Variants in RAB38 observed in about 807,000 individuals in gnomAD.
The protein encoded by RAB38 is ras-related protein Rab-38.
RAB38 carries 15 observed loss-of-function variants against 18.4 expected under a neutral mutation model. The ratio of observed to expected loss-of-function variants is 0.82; its 90% CI spans 0.55 to 1.26. The LOEUF is 1.26. Among genes scored for constraint, RAB38 ranks in the 50% most tolerant of loss-of-function variants. RAB38 has a pLI of 0.00. For synonymous variants in RAB38, 101 were observed against 104.4 expected, an observed-to-expected ratio of 0.97 and a Z score of 0.20; for missense variants, 294 against 267.4, an observed-to-expected ratio of 1.10 and a Z score of -0.69.
chr11:88,057,166 G>A, the RAB38 span, among the ~76,000 whole-genome samples: 1 of 152,178 alleles, frequency 6.6e-6, no homozygotes, highest in Non-Finnish European at 1.5e-5. Context: ...CCTGAGACAA[G>A]CATGCACAGA....
the RAB38 span, among the ~76,000 whole-genome samples, chr11:87,921,730 T>C: frequency 1.3e-5 from 2 of 151,816 alleles, no homozygotes; most frequent in Non-Finnish European, 2.9e-5. Context: ...GCCTGGCACA[T>C]AGTAAGCACT....
At chr11:88,098,371 T>C in the RAB38 span, among the ~76,000 whole-genome samples, 1 of 151,956 alleles carries the variant, frequency 6.6e-6, no homozygotes, top group Admixed American at 6.6e-5. Flanking sequence ...AAAACTTAAG[T>C]CTATATTGCA....
chr11:88,031,825 A>G, the RAB38 span, among the ~76,000 whole-genome samples: 3 of 152,234 alleles, frequency 2.0e-5, no homozygotes, highest in African/African-American at 4.8e-5. Flanking sequence ...TACAGATTCA[A>G]TACCATTCCC....
At chr11:88,093,443 G>A in the RAB38 span, among the ~76,000 whole-genome samples, 1 of 151,494 alleles carries the variant, frequency 6.6e-6, no homozygotes, top group Non-Finnish European at 1.5e-5. Context: ...CTGATTGTGA[G>A]ACAATTTTAT....
intron 2 of RAB38, among the ~76,000 whole-genome samples, chr11:88,131,899 G>A (rs6483009): frequency 0.84 from 128,108 of 152,104 alleles, 54,240 homozygotes; most frequent in Middle Eastern, 0.93. Context: ...CTGCCATGCT[G>A]TAAAAAGGCC....
At chr11:87,909,516 G>C in the RAB38 span, among the ~76,000 whole-genome samples, 3 of 151,826 alleles carry the variant, frequency 2.0e-5, no homozygotes, top group Admixed American at 6.6e-5. Context: ...ACTATATATA[G>C]TTAAAGTGTA....
chr11:88,005,261 C>T, the RAB38 span, among the ~76,000 whole-genome samples: 7 of 151,188 alleles, frequency 4.6e-5, no homozygotes, highest in African/African-American at 7.3e-5. Flanking sequence ...ATGAAGACAG[C>T]GGGAATTTGG....
At chr11:87,812,165 G>A in the RAB38 span, among the ~76,000 whole-genome samples, 39 of 151,950 alleles carry the variant, frequency 2.6e-4, no homozygotes, top group Admixed American at 2.5e-3. Context: ...TTGACCTTGG[G>A]CAAATAACTT....
the RAB38 span, among the ~76,000 whole-genome samples, chr11:87,921,150 T>A: frequency 1.3e-5 from 2 of 152,084 alleles, no homozygotes; most frequent in African/African-American, 2.4e-5. Context: ...CTGCTATGTA[T>A]AACTACAGAC....
the RAB38 span, among the ~76,000 whole-genome samples, chr11:87,869,018 T>C: frequency 6.6e-6 from 1 of 151,738 alleles, no homozygotes; most frequent in African/African-American, 2.4e-5. Context: ...GCCGTGACTT[T>C]CTAGCTGAGA....
intron 2 of RAB38, among the ~76,000 whole-genome samples, chr11:88,120,550 G>C (rs1041321849): frequency 6.6e-6 from 1 of 152,206 alleles, no homozygotes; most frequent in African/African-American, 2.4e-5. Context: ...GGGAAGGACA[G>C]ACTGAGCCAC....
the RAB38 span, among the ~76,000 whole-genome samples, chr11:88,096,656 A>G: frequency 6.6e-6 from 1 of 151,974 alleles, no homozygotes; most frequent in African/African-American, 2.4e-5. Flanking sequence ...CAACAAAAAC[A>G]AAGAAAAAAA....
At chr11:88,112,937 T>G (rs1942493681), downstream of RAB38, among the ~76,000 whole-genome samples, 1 of 152,098 alleles carries the variant, frequency 6.6e-6, no homozygotes, top group Non-Finnish European at 1.5e-5. Context: ...AATGCATATT[T>G]TATTGTTTCT....
chr11:87,921,547 A>C, the RAB38 span, among the ~76,000 whole-genome samples: 350 of 148,286 alleles, frequency 2.4e-3, no homozygotes, highest in East Asian at 4.5e-3. Flanking sequence ...ATCTCTCTCT[A>C]TATATAAAAT....
At chr11:87,819,393 T>G in the RAB38 span, among the ~76,000 whole-genome samples, 2 of 152,042 alleles carry the variant, frequency 1.3e-5, no homozygotes, top group African/African-American at 2.4e-5. Context: ...TGGAGAGATT[T>G]CCATAGCAAC....
chr11:88,070,024 C>G, the RAB38 span, among the ~76,000 whole-genome samples: 12 of 152,320 alleles, frequency 7.9e-5, no homozygotes, highest in Middle Eastern at 3.4e-3. Flanking sequence ...TAAAAGCAGG[C>G]TGTCCGAGTC....
chr11:88,127,268 A>G (rs1253227908), intron 2 of RAB38, among the ~76,000 whole-genome samples: 1 of 152,222 alleles, frequency 6.6e-6, no homozygotes, highest in Non-Finnish European at 1.5e-5. Flanking sequence ...AACTGGGAGC[A>G]GAGGGGAAAG....
At chr11:87,896,264 C>T in the RAB38 span, among the ~76,000 whole-genome samples, 1 of 151,662 alleles carries the variant, frequency 6.6e-6, no homozygotes, top group East Asian at 2.0e-4. Context: ...GGAGACCATG[C>T]CAAGGGGCCA....
At chr11:87,811,000 C>T in the RAB38 span, among the ~76,000 whole-genome samples, 1 of 152,048 alleles carries the variant, frequency 6.6e-6, no homozygotes, top group African/African-American at 2.4e-5. Context: ...GAAAAGTTGC[C>T]TGAAGAGACA....
Sources: gnomAD v4.1 joint callset for allele counts (sites outside exome capture counted in the v4.1 genomes callset) on GRCh38, gnomAD v4.1.1 for gene constraint, MANE v1.5 for transcripts, NCBI Gene and HGNC (gene_info 2026-07-23, HGNC 2026-07-21) for gene names.